DLGAP2: variants seen among roughly 807,000 people sequenced by gnomAD.
DLGAP2 encodes the protein disks large-associated protein 2.
DLGAP2 carries 26 observed loss-of-function variants against 100.3 expected under a neutral mutation model. That is an observed-to-expected ratio of 0.26 (90% CI 0.19 to 0.36). The LOEUF (loss-of-function observed/expected upper bound fraction) is 0.36, where lower values mean the gene tolerates loss of function less well. Ranked by LOEUF, DLGAP2 falls within the 10% of genes least tolerant of loss-of-function variation. The pLI, the probability that DLGAP2 is intolerant of heterozygous loss-of-function variation, is 1.00. For synonymous variants in DLGAP2, 886 were observed against 630.1 expected (o/e 1.41, Z -6.08); for missense variants, 1,858 against 1,453.2 (o/e 1.28, Z -4.53).
chr8:782,238 A>T (rs924820323), intron 1 of DLGAP2, among the ~76,000 whole-genome samples: 2 of 90,662 alleles, frequency 2.2e-5, no homozygotes, highest in Admixed American at 1.0e-4. Flanking sequence ...AAAAAAAATT[A>T]AAAAAAAAAC....
At position 943,194 on chromosome 8, in the gene DLGAP2, A is replaced by T. The variant is rs188901365; in HGVS notation, c.73+35228A>T. ...CAGACCACAGGGTAGAGAAATGTTT[A>T]CCAGTTGAGTGCTCAGACACAGGAT... On this transcript the variant is annotated intron_variant, in intron 2 of 14. Transcript: ENST00000637795. 2.0e-5 allele frequency among the ~76,000 whole-genome samples: 3 copies of T among 152,272 alleles called. No homozygotes were observed. The East Asian group carries it at 5.8e-4, about 29-fold the overall frequency.
At chr8:1,261,508 T>G (rs1799349221) in intron 3 of DLGAP2, among the ~76,000 whole-genome samples, 1 of 140,408 alleles carries the variant, frequency 7.1e-6, no homozygotes, top group Non-Finnish European at 1.5e-5. Context: ...ACTCCCCCTG[T>G]CCGGTGGGGA....
chr8:1,091,825 C>A (rs989806535), intron 2 of DLGAP2, among the ~76,000 whole-genome samples: 2 of 151,864 alleles, frequency 1.3e-5, no homozygotes, highest in South Asian at 2.1e-4. Flanking sequence ...GTAATTCCTG[C>A]CCTCGCCATC....
intron 8 of DLGAP2, among the ~76,000 whole-genome samples, chr8:1,647,048 T>G (rs1261015262): frequency 6.6e-6 from 1 of 152,172 alleles, no homozygotes; most frequent in Non-Finnish European, 1.5e-5. Flanking sequence ...CTGACAGCGG[T>G]GCCGGGGCAT....
intron 12 of DLGAP2, among the ~76,000 whole-genome samples, chr8:1,681,092 T>TTGTC (rs1343064958): frequency 3.9e-5 from 6 of 152,328 alleles, no homozygotes; most frequent in East Asian, 1.9e-4. Flanking sequence ...TCATGTTTGT[T>TTGTC]TGTCAGGGCT....
At chr8:1,282,215 AC>A (rs138486395) in intron 3 of DLGAP2, among the ~76,000 whole-genome samples, 3,523 of 116,136 alleles carry the variant, frequency 0.03, 58 homozygotes, top group Middle Eastern at 0.057. Context: ...TGTGACCTGA[AC>A]CCAGCCCCCT....
intron 1 of DLGAP2, among the ~76,000 whole-genome samples, chr8:798,392 G>T (rs1329444856): frequency 3.4e-5 from 5 of 148,970 alleles, no homozygotes; most frequent in Admixed American, 3.3e-4. Context: ...CAGGTGACGG[G>T]TGCCTGCTTC....
At chr8:1,604,512 A>T (rs1268019330) in intron 6 of DLGAP2, 1 of 99,778 alleles carries the variant, frequency 1.0e-5, no homozygotes, top group Non-Finnish European at 2.2e-5. Context: ...ATCTCCGGGG[A>T]TGCGATCCAG....
chr8:1,123,434 C>G (rs1444251260), intron 2 of DLGAP2, among the ~76,000 whole-genome samples: 3 of 152,136 alleles, frequency 2.0e-5, no homozygotes, highest in African/African-American at 7.2e-5. Flanking sequence ...GAGTCCATGC[C>G]CATTGTTTTC....
chr8:1,458,714 G>C (rs1798389360), intron 3 of DLGAP2, among the ~76,000 whole-genome samples: 1 of 152,186 alleles, frequency 6.6e-6, no homozygotes, highest in African/African-American at 2.4e-5. Context: ...GGGAAGACAG[G>C]GTTTGCACAC....
intron 8 of DLGAP2, among the ~76,000 whole-genome samples, chr8:1,666,413 C>A (rs192269449): frequency 1.3e-3 from 191 of 152,300 alleles, no homozygotes; most frequent in Admixed American, 3.5e-3. Flanking sequence ...TGGCTCACAC[C>A]TGTAATCCCA....
At chr8:830,503 T>A (rs1346579326) in intron 1 of DLGAP2, among the ~76,000 whole-genome samples, 7 of 152,152 alleles carry the variant, frequency 4.6e-5, no homozygotes, top group Non-Finnish European at 8.8e-5. Context: ...TCTCCGTGAG[T>A]TAGGTTGTTT....
intron 4 of DLGAP2, among the ~76,000 whole-genome samples, chr8:1,510,127 A>T (rs922637862): frequency 6.6e-6 from 1 of 152,260 alleles, no homozygotes; most frequent in East Asian, 1.9e-4. Context: ...GTAAATTACA[A>T]GCACGCTCCC....
intron 3 of DLGAP2, among the ~76,000 whole-genome samples, chr8:1,287,512 G>A (rs1799960337): frequency 1.0e-5 from 1 of 99,674 alleles, no homozygotes; most frequent in Non-Finnish European, 1.9e-5. Flanking sequence ...GTTAGGAGGG[G>A]AACTAGTTTT....
At chr8:1,511,401 T>A (rs11784147) in intron 4 of DLGAP2, among the ~76,000 whole-genome samples, 3,925 of 19,372 alleles carry the variant, frequency 0.2, 551 homozygotes, top group South Asian at 0.38. Context: ...TCTTCCATGG[T>A]CGTAAGGGCT....
At chr8:1,272,503 A>G in intron 3 of DLGAP2, among the ~76,000 whole-genome samples, 1 of 152,114 alleles carries the variant, frequency 6.6e-6, no homozygotes, top group Middle Eastern at 3.2e-3. Flanking sequence ...CGTTTTATAT[A>G]GAATATATAT....
intron 2 of DLGAP2, among the ~76,000 whole-genome samples, chr8:942,283 G>A (rs1317368194): frequency 2.0e-5 from 3 of 152,214 alleles, no homozygotes; most frequent in Admixed American, 6.5e-5. Flanking sequence ...CTCTGCTGCC[G>A]CCTGTGTAAC....
Position 1,632,048 on chromosome 8 carries a change from G to A in DLGAP2, c.1591-779G>A, listed in dbSNP as rs141802154. Among the ~76,000 whole-genome samples, 11 of 150,480 alleles carry A rather than the reference G, an allele frequency of 7.3e-5. No homozygotes were observed. The East Asian group carries it at 1.8e-3, about 24-fold the overall frequency. On this transcript the variant is annotated intron_variant, in intron 7 of 14. Transcript: ENST00000637795. ...CACATCCCCAGGAGAAACAAGAAGA[G>A]AAATAATCTGAATGGGAGGGGGTGA... is the stretch of plus-strand genomic sequence containing the variant.
At chr8:1,094,920 G>C (rs1340577010) in intron 2 of DLGAP2, among the ~76,000 whole-genome samples, 1 of 152,224 alleles carries the variant, frequency 6.6e-6, no homozygotes, top group Non-Finnish European at 1.5e-5. Flanking sequence ...TGAGGGTTTA[G>C]TTTAAGTGGA....
Sources: allele counts gnomAD v4.1 joint callset (sites outside exome capture counted in the v4.1 genomes callset), GRCh38; gene constraint gnomAD v4.1.1; transcripts MANE v1.5; gene names NCBI Gene and HGNC (gene_info 2026-07-23, HGNC 2026-07-21).